The following VWA8 variants were observed in gnomAD, a reference collection of about 807,000 sequenced individuals.
VWA8 encodes von Willebrand factor A domain containing 8, also known as von Willebrand factor A domain-containing protein 8.
A neutral mutation model predicts 241.5 loss-of-function variants in VWA8; 221 were observed. The ratio of observed to expected loss-of-function variants is 0.91; its 90% confidence interval spans 0.82 to 1.02. The LOEUF is 1.02. Among genes scored for constraint, VWA8 ranks in the 50% least tolerant of loss-of-function variants. VWA8 has a pLI of 0.00. For synonymous variants in VWA8, 852 were observed against 827.1 expected (o/e 1.03, Z -0.52); for missense variants, 2,322 against 2,328.7 (o/e 1.00, Z 0.06).
At chr13:41,809,591 C>A (rs577696227) in intron 17 of VWA8, among the ~76,000 whole-genome samples, 1 of 152,040 alleles carries the variant, frequency 6.6e-6, no homozygotes, top group Non-Finnish European at 1.5e-5. Flanking sequence ...TTGCCATATA[C>A]AAAAATCAAA....
At chr13:41,591,440 C>T (rs2044454205) in intron 40 of VWA8, among the ~76,000 whole-genome samples, 2 of 152,088 alleles carry the variant, frequency 1.3e-5, no homozygotes, top group Non-Finnish European at 2.9e-5. Context: ...CAGCCAACTA[C>T]TATATTTACA....
intron 20 of VWA8, among the ~76,000 whole-genome samples, chr13:41,762,483 C>T (rs2045747968): frequency 6.6e-6 from 1 of 152,098 alleles, no homozygotes; most frequent in African/African-American, 2.4e-5. Flanking sequence ...GATTCTGATG[C>T]TCATAATTAT....
At chr13:41,729,841 AC>A (rs1178874719) in intron 22 of VWA8, among the ~76,000 whole-genome samples, 164 bp from the exon 23 acceptor site, 47 of 150,712 alleles carry the variant, frequency 3.1e-4, no homozygotes, top group African/African-American at 8.1e-4. Context: ...ACACACACAC[AC>A]ATCTATAGCA....
At chr13:41,591,416 G>A (rs892697741) in intron 40 of VWA8, among the ~76,000 whole-genome samples, 1 of 152,052 alleles carries the variant, frequency 6.6e-6, no homozygotes, top group Non-Finnish European at 1.5e-5. Context: ...CCCAATCAAG[G>A]CATATGCTTA....
chr13:41,958,567 A>C (rs1878448428), intron 1 of VWA8, among the ~76,000 whole-genome samples: 2 of 152,214 alleles, frequency 1.3e-5, no homozygotes, highest in East Asian at 3.8e-4. Context: ...TTGTAGTTTT[A>C]CACTTGTCCA....
chr13:41,811,413 A>G (rs1343347099), intron 16 of VWA8, 73 bp from the exon 17 acceptor site: 3 of 1,198,002 alleles, frequency 2.5e-6, no homozygotes, highest in African/African-American at 1.5e-5. Flanking sequence ...TGGATATCAC[A>G]GCAGAATTCA....
intron 21 of VWA8, among the ~76,000 whole-genome samples, chr13:41,751,271 G>A (rs899146723): frequency 1.3e-5 from 2 of 152,102 alleles, no homozygotes; most frequent in Admixed American, 1.3e-4. Flanking sequence ...TAAAAAGGGG[G>A]GGCAGTAGAA....
intron 15 of VWA8, among the ~76,000 whole-genome samples, chr13:41,818,815 T>A (rs1333614368): frequency 6.6e-6 from 1 of 152,160 alleles, no homozygotes; most frequent in East Asian, 1.9e-4. Flanking sequence ...AATAGTCACT[T>A]TTCACTAAAC....
At chr13:41,694,355 T>G (rs1016891002) in intron 29 of VWA8, among the ~76,000 whole-genome samples, 3 of 151,984 alleles carry the variant, frequency 2.0e-5, no homozygotes, top group Non-Finnish European at 4.4e-5. Flanking sequence ...ATTAAAAAAT[T>G]TTACTAAGCA....
chr13:41,693,998 A>C (rs1165387972), intron 29 of VWA8, among the ~76,000 whole-genome samples: 1 of 151,958 alleles, frequency 6.6e-6, no homozygotes. Flanking sequence ...TTTTGGAGAA[A>C]ATAAAGTCAC....
At position 41,835,394 on chromosome 13, in the gene VWA8, T is replaced by A. The variant is rs550883968; in HGVS notation, c.1426-1863A>T. On this transcript the variant is annotated intron_variant, in intron 12 of 44. Coordinates refer to ENST00000379310, the MANE Select transcript of VWA8 (RefSeq NM_015058.2). ...GCTGGTTTTGACACATTGTCAAAATTTGTTCTTTTTAAATAACTTTATTTA... is the reference window on the plus strand; with the variant it reads ...GCTGGTTTTGACACATTGTCAAAATATGTTCTTTTTAAATAACTTTATTTA... Among the ~76,000 whole-genome samples, 5 of 152,234 alleles carry A rather than the reference T, an allele frequency of 3.3e-5. No homozygotes were observed. The South Asian group carries it at 1.0e-3, about 32-fold the overall frequency.
In VWA8 at chr13:41,685,261, T is replaced by C; in HGVS notation, c.4132-19A>G. On this transcript the variant is annotated intron_variant, in intron 34 of 44. Coordinates refer to ENST00000379310, the MANE Select transcript of VWA8 (RefSeq NM_015058.2). ...TGGGTGACTGAAAAAAAGAAAGAGA[T>C]TAAAGTACTGAAGTACCATATACTA... is the stretch of plus-strand genomic sequence containing the variant. The C allele has an allele frequency of 6.2e-7, 1 of 1,606,492 alleles. No homozygotes were observed. The highest frequency in any genetic ancestry group is 8.5e-7 in the Non-Finnish European group (1 of 1,176,850).
intron 21 of VWA8, among the ~76,000 whole-genome samples, chr13:41,741,897 G>A (rs2045571968): frequency 6.6e-6 from 1 of 152,132 alleles, no homozygotes; most frequent in African/African-American, 2.4e-5. Context: ...AGTGCAGTGG[G>A]GACACAGAAG....
intron 34 of VWA8, among the ~76,000 whole-genome samples, chr13:41,687,483 A>G (rs2045144583): frequency 1.3e-5 from 2 of 152,162 alleles, no homozygotes. Flanking sequence ...TTTCATACAT[A>G]ATCCAAAGAA....
At chr13:41,898,637 T>TTCG (rs1450060073) in intron 4 of VWA8, among the ~76,000 whole-genome samples, 1 of 152,210 alleles carries the variant, frequency 6.6e-6, no homozygotes, top group African/African-American at 2.4e-5. Context: ...GGGGGCGGCA[T>TTCG]TCGTCCGGGA....
At chr13:41,600,706 A>G (rs895398228) in intron 40 of VWA8, among the ~76,000 whole-genome samples, 2 of 152,130 alleles carry the variant, frequency 1.3e-5, no homozygotes, top group African/African-American at 4.8e-5. Flanking sequence ...AACATACTAT[A>G]ACATCCAAAG....
intron 4 of VWA8, among the ~76,000 whole-genome samples, chr13:41,903,683 AG>A (rs1335934109): frequency 6.6e-6 from 1 of 152,156 alleles, no homozygotes; most frequent in Non-Finnish European, 1.5e-5. Flanking sequence ...CAAGGCAAGG[AG>A]TAAAAGGAAA....
At chr13:41,922,455 C>G (rs576532039) in intron 2 of VWA8, among the ~76,000 whole-genome samples, 127 of 152,224 alleles carry the variant, frequency 8.3e-4, no homozygotes, top group South Asian at 6.0e-3. Flanking sequence ...AAACTAAATA[C>G]CTTCTGCACA....
chr13:41,742,140 G>GGAGT (rs2045573827), intron 21 of VWA8, among the ~76,000 whole-genome samples: 1 of 152,180 alleles, frequency 6.6e-6, no homozygotes, highest in South Asian at 2.1e-4. Context: ...AGTCCTCGTT[G>GGAGT]CCATTTTGGA....
Sources: gnomAD v4.1 joint callset for allele counts (sites outside exome capture counted in the v4.1 genomes callset) on GRCh38, gnomAD v4.1.1 for gene constraint, MANE v1.5 for transcripts, NCBI Gene and HGNC (gene_info 2026-07-23, HGNC 2026-07-21) for gene names.